Variants in ROR1 observed in about 807,000 individuals in gnomAD.
ROR1 encodes inactive tyrosine-protein kinase transmembrane receptor ROR1.
ROR1 carries 19 observed loss-of-function variants against 78.8 expected under a neutral mutation model. The ratio of observed to expected loss-of-function variants is 0.24; its 90% CI spans 0.17 to 0.35. ROR1 has a LOEUF of 0.35. Among genes scored for constraint, ROR1 ranks in the 10% least tolerant of loss-of-function variants. The pLI is 1.00. For synonymous variants in ROR1, 386 were observed against 433.6 expected (o/e 0.89, Z 1.36); for missense variants, 917 against 1,177.8 (o/e 0.78, Z 3.24).
intron 1 of ROR1, among the ~76,000 whole-genome samples, chr1:63,787,807 T>C (rs1038365680): frequency 6.6e-6 from 1 of 152,256 alleles, no homozygotes; most frequent in African/African-American, 2.4e-5. Context: ...ATTACAGGCA[T>C]AAGCCACTGC....
intron 1 of ROR1, among the ~76,000 whole-genome samples, chr1:63,832,780 A>G (rs1420858146): frequency 6.6e-6 from 1 of 152,220 alleles, no homozygotes; most frequent in Non-Finnish European, 1.5e-5. Flanking sequence ...TTTATCCACG[A>G]AAAGTACTAG....
chr1:63,932,756 A>G (rs1204984592), intron 1 of ROR1, among the ~76,000 whole-genome samples: 3 of 152,156 alleles, frequency 2.0e-5, no homozygotes, highest in Non-Finnish European at 4.4e-5. Flanking sequence ...CAGGATTTGA[A>G]CCTGCATCCA....
At chr1:63,839,379 TCTATCTA>T (rs1645036427) in intron 1 of ROR1, among the ~76,000 whole-genome samples, 1 of 151,940 alleles carries the variant, frequency 6.6e-6, no homozygotes, top group Non-Finnish European at 1.5e-5. Context: ...TATCTATCTA[TCTATCTA>T]TCTATCTATC....
chr1:64,071,767 A>G (rs1364038031), intron 4 of ROR1, among the ~76,000 whole-genome samples: 3 of 152,196 alleles, frequency 2.0e-5, no homozygotes, highest in Admixed American at 6.5e-5. Flanking sequence ...ACCATTTTCT[A>G]TTCCTCTATA....
chr1:63,887,522 T>C (rs1451835573), intron 1 of ROR1, among the ~76,000 whole-genome samples: 1 of 152,188 alleles, frequency 6.6e-6, no homozygotes, highest in South Asian at 2.1e-4. Context: ...GAAAGTTCCC[T>C]TGTGCTCCTT....
At chr1:63,819,232 A>C (rs1644910493) in intron 1 of ROR1, among the ~76,000 whole-genome samples, 1 of 152,106 alleles carries the variant, frequency 6.6e-6, no homozygotes, top group South Asian at 2.1e-4. Context: ...TTGGTTTATC[A>C]GTTGGTTAAT....
At chr1:63,826,376 G>A (rs1472139392) in intron 1 of ROR1, among the ~76,000 whole-genome samples, 1 of 152,096 alleles carries the variant, frequency 6.6e-6, no homozygotes, top group African/African-American at 2.4e-5. Flanking sequence ...AGTTGGCTAA[G>A]GATAATGGCC....
At chr1:63,799,623 ACAC>A (rs1236905648) in intron 1 of ROR1, among the ~76,000 whole-genome samples, 6 of 148,476 alleles carry the variant, frequency 4.0e-5, no homozygotes, top group African/African-American at 1.6e-4. Flanking sequence ...AGGAAAAAAA[ACAC>A]CCATTTTTCC....
In ROR1 at chr1:64,178,257, T is replaced by A; in HGVS notation, c.2216T>A (p.Phe739Tyr). Residue 739 changes from phenylalanine to tyrosine, a missense_variant, in exon 9 of 9, where the codon TTT becomes TAT. Phe to Tyr is a conservative substitution (Grantham distance 22). Coordinates refer to ENST00000371079, the MANE Select transcript of ROR1 (RefSeq NM_005012.4). This position sits in a 1 kb window ranked among gnomAD's most constrained non-coding sequence, Gnocchi z 4.3. Reference sequence around the variant, plus strand: ...GAGATTCCTTCTAGGAGACCAAGATTTAAAGATATTCACGTCCGGCTTCGG... The same window carrying A: ...GAGATTCCTTCTAGGAGACCAAGATATAAAGATATTCACGTCCGGCTTCGG... ...WNEIPSRRPRFKDIHVRLRSW... is the reference protein window; with the variant it reads ...WNEIPSRRPRYKDIHVRLRSW... 6.2e-7 allele frequency: 1 copy of A among 1,613,982 alleles called. No individual in the cohort carries two copies. Among genetic ancestry groups the A allele is most frequent in the Non-Finnish European group, 8.5e-7 (1 of 1,179,996 alleles).
intron 1 of ROR1, among the ~76,000 whole-genome samples, chr1:63,978,834 A>C (rs1192377544): frequency 2.6e-5 from 4 of 152,238 alleles, no homozygotes; most frequent in Non-Finnish European, 5.9e-5. Context: ...GAATTGGCTC[A>C]TGCACTTATG....
chr1:64,063,298 G>A (rs113025030), intron 4 of ROR1, among the ~76,000 whole-genome samples: 6 of 152,290 alleles, frequency 3.9e-5, no homozygotes, highest in African/African-American at 1.4e-4. Flanking sequence ...TTTCTTCTTC[G>A]TGGTTTAGGG....
chr1:63,928,955 A>G (rs1466908668), intron 1 of ROR1, among the ~76,000 whole-genome samples: 2 of 152,168 alleles, frequency 1.3e-5, no homozygotes, highest in African/African-American at 2.4e-5. Flanking sequence ...CGAAGCTCAT[A>G]AAAGTCAGAG....
intron 1 of ROR1, among the ~76,000 whole-genome samples, chr1:63,984,191 A>T (rs751573114): frequency 1.3e-5 from 2 of 152,166 alleles, no homozygotes; most frequent in African/African-American, 2.4e-5. Context: ...AAGGTGGCTG[A>T]ATGGTAGGAG....
chr1:64,021,220 A>T (rs1162431903), intron 2 of ROR1, among the ~76,000 whole-genome samples: 1 of 152,152 alleles, frequency 6.6e-6, no homozygotes, highest in Non-Finnish European at 1.5e-5. Context: ...ATTAAAACTG[A>T]CTTACAAGAT....
Position 63,974,236 on chromosome 1 carries a change from A to C in ROR1, c.92-35069A>C, listed in dbSNP as rs915414343. On this transcript the variant is annotated intron_variant, in intron 1 of 8. Coordinates refer to ENST00000371079, the MANE Select transcript of ROR1 (RefSeq NM_005012.4). ...GGTTTAAACCTTGAATTAAATTCTT[A>C]CTAGCTGTGTGGCCTTGAGCAAATC... is the stretch of plus-strand genomic sequence containing the variant. Among the ~76,000 whole-genome samples the C allele has an allele frequency of 3.9e-5, 6 of 152,342 alleles. No individual in the cohort carries two copies. The East Asian group carries it at 1.2e-3, about 29-fold the overall frequency.
At chr1:64,058,733 T>C (rs1646894179) in intron 4 of ROR1, among the ~76,000 whole-genome samples, 1 of 152,104 alleles carries the variant, frequency 6.6e-6, no homozygotes, top group Admixed American at 6.5e-5. Context: ...TGGATTCAGC[T>C]TGCTGGTATT....
In ROR1 at chr1:64,099,299, A is replaced by G. The variant is rs374871929; in HGVS notation, c.483-38070A>G. Among the ~76,000 whole-genome samples the G allele has an allele frequency of 8.5e-5, 13 of 152,298 alleles. 1 individual carries two copies. The highest frequency in any genetic ancestry group is 7.2e-5 in the African/African-American group (3 of 41,566). On this transcript the variant is annotated intron_variant, in intron 4 of 8. Transcript: ENST00000371079. Reference sequence around the variant, plus strand: ...CAAAGCCCCACAGATTGATATGTTAAATCTGTGTTCAGTTCTGGCGATCCT... The same window carrying G: ...CAAAGCCCCACAGATTGATATGTTAGATCTGTGTTCAGTTCTGGCGATCCT...
At chr1:64,147,363 T>G (rs1181877362) in intron 7 of ROR1, among the ~76,000 whole-genome samples, 1 of 152,178 alleles carries the variant, frequency 6.6e-6, no homozygotes, top group Non-Finnish European at 1.5e-5. Flanking sequence ...ACTTAGATTT[T>G]TTTTTAAAGA....
At chr1:63,933,891 T>C (rs1224739739) in intron 1 of ROR1, among the ~76,000 whole-genome samples, 1 of 152,100 alleles carries the variant, frequency 6.6e-6, no homozygotes, top group Non-Finnish European at 1.5e-5. Flanking sequence ...CACCTTCGTG[T>C]CTGGATGTGG....
Sources: gnomAD v4.1 joint callset for allele counts (sites outside exome capture counted in the v4.1 genomes callset) on GRCh38, gnomAD v4.1.1 for gene constraint, Gnocchi (gnomAD v3.1) non-coding constraint, MANE v1.5 for transcripts, NCBI Gene and HGNC (gene_info 2026-07-23, HGNC 2026-07-21) for gene names.